The following SPATA1 variants were observed in gnomAD, a reference collection of about 807,000 sequenced individuals.
SPATA1 encodes spermatogenesis associated 1, also known as spermatogenesis-associated protein 1.
SPATA1 carries 57 observed loss-of-function variants against 59.6 expected under a neutral mutation model. The observed-to-expected ratio is 0.96, with a 90% CI of 0.77 to 1.19. The LOEUF (loss-of-function observed/expected upper bound fraction) is 1.19. Ranked by LOEUF, SPATA1 falls within the 50% of genes most tolerant of loss-of-function variation. SPATA1 has a pLI of 0.00. For synonymous variants in SPATA1, 147 were observed against 163.9 expected, an observed-to-expected ratio of 0.90 and a Z score of 0.79; for missense variants, 448 against 480.7, an observed-to-expected ratio of 0.93 and a Z score of 0.64.
Position 84,528,339 on chromosome 1 carries a change from T to C in SPATA1, c.544+2266T>C, listed in dbSNP as rs111305038. The stretch of plus-strand genomic sequence containing the variant: ...TCTTTATTGCTGGTAGTAGTACTTA[T>C]TTTGAATTATTTTCTTAACTTTAAT... On this transcript the variant is annotated intron_variant, in intron 6 of 12. Transcript: ENST00000490879. Among the ~76,000 whole-genome samples the C allele has an allele frequency of 5.1e-3, 772 of 152,340 alleles. 8 individuals are homozygous for C. The highest frequency in any genetic ancestry group is 0.017 in the Middle Eastern group (5 of 294).
chr1:84,535,212 C>G (rs534368530), intron 8 of SPATA1, among the ~76,000 whole-genome samples: 1 of 152,022 alleles, frequency 6.6e-6, no homozygotes, highest in Non-Finnish European at 1.5e-5. Context: ...TTAATCCTTA[C>G]GCCAATACCA....
intron 6 of SPATA1, among the ~76,000 whole-genome samples, chr1:84,532,540 C>G (rs1358670652): frequency 2.0e-5 from 3 of 152,072 alleles, no homozygotes; most frequent in African/African-American, 4.8e-5. Context: ...CTTACCTACC[C>G]CGCTCTTGCA....
intron 3 of SPATA1, among the ~76,000 whole-genome samples, chr1:84,521,547 G>T (rs559920572): frequency 6.6e-6 from 1 of 151,666 alleles, no homozygotes; most frequent in South Asian, 2.1e-4. Flanking sequence ...TCTCCTTCAG[G>T]TCTTTACTCA....
chr1:84,523,502 C>G (rs1477151423), intron 4 of SPATA1, among the ~76,000 whole-genome samples: 2 of 152,064 alleles, frequency 1.3e-5, no homozygotes, highest in African/African-American at 4.8e-5. Context: ...ATTATAGGTC[C>G]TTGTGGGGAG....
downstream of SPATA1, among the ~76,000 whole-genome samples, chr1:84,559,530 G>A (rs747214072): frequency 4.6e-5 from 7 of 152,038 alleles, no homozygotes; most frequent in African/African-American, 9.7e-5. Flanking sequence ...GCTAAGGCAC[G>A]AGACTCACTT....
At chr1:84,515,631 A>G (rs1248569492) in intron 1 of SPATA1, among the ~76,000 whole-genome samples, 9 of 152,078 alleles carry the variant, frequency 5.9e-5, no homozygotes, top group South Asian at 2.1e-4. Context: ...TCTTATATAC[A>G]TTATATATTT....
At chr1:84,542,008 T>C (rs6576714) in intron 8 of SPATA1, among the ~76,000 whole-genome samples, 27,457 of 151,942 alleles carry the variant, frequency 0.18, 4,744 homozygotes, top group African/African-American at 0.45. Flanking sequence ...CTCGCTCTCT[T>C]GCCCAGGCCT....
chr1:84,543,158 A>C (rs2101996245), intron 8 of SPATA1, among the ~76,000 whole-genome samples: 1 of 152,342 alleles, frequency 6.6e-6, no homozygotes, highest in East Asian at 1.9e-4. Context: ...GCTACAGATA[A>C]CGGGGACTAA....
At chr1:84,556,644 G>A (rs780253713), downstream of SPATA1, among the ~76,000 whole-genome samples, 3 of 149,978 alleles carry the variant, frequency 2.0e-5, no homozygotes, top group Non-Finnish European at 4.4e-5. Context: ...CCCAGGAGAC[G>A]GAGGTTGCAG....
intron 1 of SPATA1, among the ~76,000 whole-genome samples, chr1:84,511,511 T>A (rs1395791031): frequency 1.3e-5 from 2 of 152,110 alleles, no homozygotes; most frequent in African/African-American, 4.8e-5. Flanking sequence ...GAAGTCTAAC[T>A]ACTATAAATG....
chr1:84,550,309 G>T (rs1684232432), intron 11 of SPATA1, 123 bp from the exon 12 acceptor site: 2 of 465,032 alleles, frequency 4.3e-6, no homozygotes, highest in Non-Finnish European at 7.3e-6. Context: ...TTACTTTACG[G>T]AATAGGTTAT....
At chr1:84,508,385 T>C (rs1183133235) in intron 1 of SPATA1, among the ~76,000 whole-genome samples, 1 of 152,254 alleles carries the variant, frequency 6.6e-6, no homozygotes, top group Non-Finnish European at 1.5e-5. Flanking sequence ...TCTTAAACTT[T>C]TGTTTAGATG....
At chr1:84,547,559 G>A (rs1050401542) in intron 10 of SPATA1, among the ~76,000 whole-genome samples, 2 of 152,158 alleles carry the variant, frequency 1.3e-5, no homozygotes, top group African/African-American at 2.4e-5. Context: ...GCATAGTAAA[G>A]AGTGATGAGG....
intron 10 of SPATA1, 110 bp downstream of exon 10, chr1:84,545,869 TTTTAG>T: frequency 1.2e-6 from 1 of 858,228 alleles, no homozygotes; most frequent in Non-Finnish European, 1.6e-6. Context: ...TGTTTTACTA[TTTTAG>T]TTTAAGTGGT....
chr1:84,555,203 T>A (rs1185257545), downstream of SPATA1: 1 of 1,598,190 alleles, frequency 6.3e-7, no homozygotes, highest in African/African-American at 1.3e-5. Flanking sequence ...CAGGATCCTA[T>A]ATAAATAAAT....
rs564387698 is a variant in SPATA1 at position 84,519,696 on chromosome 1, G to T, written c.37-889G>T. Among the ~76,000 whole-genome samples the T allele has an allele frequency of 1.1e-4, 16 of 152,102 alleles. No individual in the cohort carries two copies. The South Asian group carries it at 2.7e-3, about 26-fold the overall frequency. On this transcript the variant is annotated intron_variant, in intron 2 of 12. Transcript: ENST00000490879. ...TGTTAGTTAATAATCATCATCAAAA[G>T]CATAGAAGTAATTTTCTTGATTTAT...
chr1:84,558,969 G>A (rs114473705), downstream of SPATA1, among the ~76,000 whole-genome samples: 2,360 of 152,188 alleles, frequency 0.016, 79 homozygotes, highest in African/African-American at 0.054. Flanking sequence ...AGATTACTAA[G>A]GTCAGGATTA....
chr1:84,557,335 C>T (rs1398534740), downstream of SPATA1, among the ~76,000 whole-genome samples: 1 of 151,884 alleles, frequency 6.6e-6, no homozygotes, highest in Non-Finnish European at 1.5e-5. Context: ...GAGTTCAAGA[C>T]CAGCCTGGCC....
chr1:84,547,972 G>A (rs1049893036), intron 10 of SPATA1, among the ~76,000 whole-genome samples: 1 of 152,206 alleles, frequency 6.6e-6, no homozygotes, highest in Non-Finnish European at 1.5e-5. Context: ...GAAAGAGAAT[G>A]CAGACTTCTT....
Sources: gnomAD v4.1 joint callset for allele counts (sites outside exome capture counted in the v4.1 genomes callset) on GRCh38, gnomAD v4.1.1 for gene constraint, MANE v1.5 for transcripts, NCBI Gene and HGNC (gene_info 2026-07-23, HGNC 2026-07-21) for gene names.